Variants in ANO6 observed in about 807,000 individuals in gnomAD.
ANO6 encodes anoctamin-6.
Under a neutral mutation model 117.5 loss-of-function variants are expected in ANO6, and 106 were observed. The observed-to-expected ratio is 0.90, with a 90% CI of 0.77 to 1.06. The LOEUF is 1.06. ANO6 is among the 50% of genes least tolerant of loss of function. ANO6 has a pLI of 0.00. For synonymous variants in ANO6, 367 were observed against 385.1 expected (o/e 0.95, Z 0.55); for missense variants, 955 against 1,121.1 (o/e 0.85, Z 2.12).
chr12:45,348,892 A>G (rs1941212584), intron 6 of ANO6, among the ~76,000 whole-genome samples: 1 of 152,210 alleles, frequency 6.6e-6, no homozygotes, highest in South Asian at 2.1e-4. Context: ...AGCAGTATAG[A>G]TTAGCAGTTA....
At chr12:45,312,043 T>G (rs1403109154) in intron 2 of ANO6, among the ~76,000 whole-genome samples, 1 of 152,076 alleles carries the variant, frequency 6.6e-6, no homozygotes. Flanking sequence ...CAGAAATCCT[T>G]TGCTGTAAAA....
rs189173658 is a variant in ANO6, at chr12:45,357,549, T to A, written c.998+125T>A. The A allele has an allele frequency of 1.5e-3, 1,823 of 1,251,946 alleles. 2 individuals carry two copies. Among genetic ancestry groups the A allele is most frequent in the Middle Eastern group, 3.7e-3 (14 of 3,772 alleles). 77.6% of individuals were successfully genotyped at this position (1,251,946 alleles called of 1,614,324 possible). On this transcript the variant is annotated intron_variant, in intron 8 of 19. Coordinates refer to ENST00000320560, the MANE Select transcript of ANO6 (RefSeq NM_001025356.3). ...AGAACATTCATTGCTTGGGATGATA[T>A]ATCCCTTTTGTTCTGAGCACAATAA...
chr12:45,218,824 A>C (rs1450771245), intron 1 of ANO6, among the ~76,000 whole-genome samples: 2 of 152,202 alleles, frequency 1.3e-5, no homozygotes, highest in African/African-American at 4.8e-5. Context: ...CTATTAACTA[A>C]TATTTCTCCT....
chr12:45,358,531 T>G (rs149549059), intron 8 of ANO6, among the ~76,000 whole-genome samples: 1 of 152,212 alleles, frequency 6.6e-6, no homozygotes, highest in African/African-American at 2.4e-5. Flanking sequence ...TTTTATAAGG[T>G]CCTCATGGGT....
intron 2 of ANO6, among the ~76,000 whole-genome samples, chr12:45,319,152 G>C (rs1940162714): frequency 6.6e-6 from 1 of 152,134 alleles, no homozygotes; most frequent in African/African-American, 2.4e-5. Context: ...CCAACACTAT[G>C]TCGAATAGGA....
Position 45,409,548 on chromosome 12 carries a change from A to G in ANO6, c.2011+61A>G, listed in dbSNP as rs116927682. The stretch of plus-strand genomic sequence containing the variant: ...ATGTTAGAGTATGTTGTGGATACCA[A>G]AAGCATCTGTTATTGAGCCATATTA... On this transcript the variant is annotated intron_variant, in intron 16 of 19. Coordinates refer to ENST00000320560, the MANE Select transcript of ANO6 (RefSeq NM_001025356.3). 12,005 of 1,561,104 alleles carry G rather than the reference A, an allele frequency of 7.7e-3. 67 individuals are homozygous for G. Among genetic ancestry groups the G allele is most frequent in the Non-Finnish European group, 9.4e-3 (10,697 of 1,140,692 alleles).
intron 1 of ANO6, among the ~76,000 whole-genome samples, chr12:45,246,394 G>T (rs1231416819): frequency 1.3e-5 from 2 of 152,122 alleles, no homozygotes; most frequent in African/African-American, 4.8e-5. Flanking sequence ...GGTCAATAGA[G>T]TGCTGGAAGT....
At chr12:45,420,322 C>T (rs1409418032) in intron 17 of ANO6, among the ~76,000 whole-genome samples, 1 of 152,136 alleles carries the variant, frequency 6.6e-6, no homozygotes, top group Non-Finnish European at 1.5e-5. Flanking sequence ...ACTCTGATTA[C>T]ATGTGCAAGT....
intron 1 of ANO6, among the ~76,000 whole-genome samples, chr12:45,298,135 T>C (rs1332089964): frequency 1.3e-5 from 2 of 152,230 alleles, no homozygotes; most frequent in Non-Finnish European, 2.9e-5. Flanking sequence ...ATAACTATTT[T>C]TTGTTTTCTA....
rs1283340166 is a variant in ANO6, at chr12:45,347,052, A to G, written c.310A>G (p.Ile104Val). 3.7e-6 allele frequency: 6 copies of G among 1,614,068 alleles called. No homozygotes were observed. The highest frequency in any genetic ancestry group is 4.2e-6 in the Non-Finnish European group (5 of 1,179,954). The part of the protein sequence containing the change: ...RKRQAYESNL[I>V]CHGLQLEATR... ...AAGACAAGCATACGAATCTAACCTT[A>G]TCTGTCATGGCCTGCAGTTAGAAGC... Residue 104 changes from isoleucine (I) to valine (V), a missense_variant, in exon 4 of 20, where the codon ATC (isoleucine) becomes GTC (valine). Ile to Val is a conservative substitution (Grantham distance 29). Coordinates refer to ENST00000320560, the MANE Select transcript of ANO6 (RefSeq NM_001025356.3).
intron 12 of ANO6, among the ~76,000 whole-genome samples, chr12:45,394,361 A>C (rs1942549272): frequency 6.6e-6 from 1 of 152,176 alleles, no homozygotes; most frequent in Non-Finnish European, 1.5e-5. Flanking sequence ...GTCCTTAGAG[A>C]CCTGCAAAGA....
At chr12:45,371,579 A>C (rs1565727002) in intron 9 of ANO6, among the ~76,000 whole-genome samples, 1 of 152,104 alleles carries the variant, frequency 6.6e-6, no homozygotes, top group East Asian at 1.9e-4. Flanking sequence ...CCTAACTGGG[A>C]GGCACCCCCC....
chr12:45,280,335 G>A (rs1938684007), intron 1 of ANO6, among the ~76,000 whole-genome samples: 1 of 152,110 alleles, frequency 6.6e-6, no homozygotes, highest in African/African-American at 2.4e-5. Context: ...GCTCAGCTGT[G>A]GTCAGTACAA....
chr12:45,401,236 C>T (rs1382577384), intron 12 of ANO6, among the ~76,000 whole-genome samples: 1 of 152,214 alleles, frequency 6.6e-6, no homozygotes, highest in Non-Finnish European at 1.5e-5. Flanking sequence ...TCCCCTGCTA[C>T]AGTGATTAAG....
rs148496661 is a variant in ANO6 at position 45,359,079 on chromosome 12, C to T, written c.998+1655C>T. 1.4e-3 allele frequency among the ~76,000 whole-genome samples: 210 copies of T among 152,278 alleles called. 3 individuals are homozygous for T. The highest frequency in any genetic ancestry group is 1.4e-3 in the Non-Finnish European group (97 of 68,012). On this transcript the variant is annotated intron_variant, in intron 8 of 19. Transcript: ENST00000320560. ...GATTACAGGCGTGAGCCACTGTGCC[C>T]GGTCCTTATGCCCCCTTTTAAAAAT...
At chr12:45,338,848 T>C (rs1252014068) in intron 3 of ANO6, among the ~76,000 whole-genome samples, 1 of 151,880 alleles carries the variant, frequency 6.6e-6, no homozygotes, top group East Asian at 1.9e-4. Flanking sequence ...ACAATGAAAT[T>C]CTGAAAAGCA....
intron 2 of ANO6, among the ~76,000 whole-genome samples, chr12:45,319,817 G>A (rs992424138): frequency 2.6e-5 from 4 of 152,248 alleles, no homozygotes; most frequent in South Asian, 2.1e-4. Flanking sequence ...TCTATTGAGC[G>A]ATTCAACTTC....
At chr12:45,302,427 G>A (rs1279158858) in intron 2 of ANO6, among the ~76,000 whole-genome samples, 1 of 152,128 alleles carries the variant, frequency 6.6e-6, no homozygotes, top group African/African-American at 2.4e-5. Context: ...TAGTAACTCT[G>A]GAAAGCAGTC....
chr12:45,216,390 C>T lies in ANO6; in HGVS notation c.69C>T (p.Ile23=). Residue 23 remains isoleucine, a splice_region_variant and synonymous_variant, in exon 1 of 20, where the codon ATC becomes ATT. Coordinates refer to ENST00000320560, the MANE Select transcript of ANO6 (RefSeq NM_001025356.3). ...EEEEDDDDGD[I]VLENLGQTIV... is the part of the protein sequence containing the mutation. ...AGGAGGACGACGACGATGGGGATAT[C>T]GGTGAGCGAGGGGTCCCCGCGTCCC... The T allele has an allele frequency of 1.9e-6, 3 of 1,611,660 alleles. No individual in the cohort carries two copies. The highest frequency in any genetic ancestry group is 2.5e-6 in the Non-Finnish European group (3 of 1,179,026).
Sources: allele counts gnomAD v4.1 joint callset (sites outside exome capture counted in the v4.1 genomes callset), GRCh38; gene constraint gnomAD v4.1.1; transcripts MANE v1.5; gene names NCBI Gene and HGNC (gene_info 2026-07-23, HGNC 2026-07-21).